The following XPO6 variants were observed in gnomAD, a reference collection of about 807,000 sequenced individuals.
The protein encoded by XPO6 is exportin 6.
XPO6 carries 3 observed loss-of-function variants against 130.0 expected under a neutral mutation model. The ratio of observed to expected loss-of-function variants is 0.02; its 90% CI spans 0.01 to 0.06. XPO6 has a LOEUF of 0.06. XPO6 is among the 10% of genes least tolerant of loss of function. The pLI, the probability that XPO6 is intolerant of heterozygous loss-of-function variation, is 1.00. For missense variants in XPO6, 970 were observed against 1,393.0 expected (o/e 0.70, Z 4.83); for synonymous variants, 524 against 548.9 (o/e 0.95, Z 0.63).
At chr16:28,180,873 C>A in intron 2 of XPO6, 68 bp downstream of exon 2, 1 of 1,324,736 alleles carries the variant, frequency 7.5e-7, no homozygotes, top group Non-Finnish European at 1.1e-6. Context: ...CGGCTACGAA[C>A]AACTCCTTCC....
chr16:28,185,919 G>C (rs1567644199), intron 1 of XPO6, among the ~76,000 whole-genome samples: 1 of 152,128 alleles, frequency 6.6e-6, no homozygotes, highest in Admixed American at 6.6e-5. Context: ...TTCTGTTCCA[G>C]AAACAGTTAA....
At chr16:28,140,158 G>A (rs544817480) in intron 9 of XPO6, among the ~76,000 whole-genome samples, 3 of 148,054 alleles carry the variant, frequency 2.0e-5, no homozygotes, top group African/African-American at 5.0e-5. Flanking sequence ...CTTGAACCTG[G>A]GAGGTGGAGG....
intron 9 of XPO6, among the ~76,000 whole-genome samples, chr16:28,139,919 T>C (rs1006860501): frequency 1.3e-5 from 2 of 152,028 alleles, no homozygotes; most frequent in African/African-American, 4.8e-5. Context: ...CAGTAACTGA[T>C]AGAATAAGTA....
Position 28,166,505 on chromosome 16 carries a change from T to C in XPO6, c.643+3A>G, listed in dbSNP as rs755478400. The C allele has an allele frequency of 6.3e-7, 1 of 1,582,784 alleles. No individual in the cohort carries two copies. The highest frequency in any genetic ancestry group is 8.6e-7 in the Non-Finnish European group (1 of 1,162,802). ...AATGCCTTGGCTGGCAGGCAGACCA[T>C]ACCACTTTCTCCTGAGGTCGGGGAT... On this transcript the variant is annotated splice_donor_region_variant and intron_variant, in intron 6 of 23. Coordinates refer to ENST00000304658, the MANE Select transcript of XPO6 (RefSeq NM_015171.4).
intron 17 of XPO6, among the ~76,000 whole-genome samples, chr16:28,109,826 T>C (rs1596789519): frequency 6.6e-6 from 1 of 152,342 alleles, no homozygotes; most frequent in East Asian, 1.9e-4. Flanking sequence ...TTAAATAACA[T>C]TATTGTACCA....
chr16:28,161,982 G>C (rs2043285529), intron 6 of XPO6, among the ~76,000 whole-genome samples: 1 of 152,176 alleles, frequency 6.6e-6, no homozygotes, highest in African/African-American at 2.4e-5. Flanking sequence ...GGAAAAATAT[G>C]TATGGCCTAA....
intron 1 of XPO6, among the ~76,000 whole-genome samples, chr16:28,194,362 T>A (rs2043827431): frequency 6.6e-6 from 1 of 152,126 alleles, no homozygotes; most frequent in Admixed American, 6.5e-5. Context: ...AAACGAAGAA[T>A]GTAAGAATGA....
chr16:28,109,211 T>C (rs1021826449), intron 17 of XPO6, among the ~76,000 whole-genome samples: 4 of 151,818 alleles, frequency 2.6e-5, no homozygotes, highest in African/African-American at 7.3e-5. Flanking sequence ...GAAAGCACTA[T>C]AAGTATATAA....
At chr16:28,180,463 C>A (rs77178932) in intron 2 of XPO6, among the ~76,000 whole-genome samples, 194 of 152,264 alleles carry the variant, frequency 1.3e-3, no homozygotes, top group Middle Eastern at 3.4e-3. Flanking sequence ...TTTCTGGGCA[C>A]TATTAGGTTC....
intron 15 of XPO6, among the ~76,000 whole-genome samples, 189 bp from the exon 16 acceptor site, chr16:28,113,239 T>A (rs2086973909): frequency 6.6e-6 from 1 of 152,174 alleles, no homozygotes; most frequent in Non-Finnish European, 1.5e-5. Flanking sequence ...TGTCCACAGC[T>A]CCTGCCGCAG....
chr16:28,156,434 C>A lies in XPO6; in HGVS notation c.737G>T (p.Cys246Phe), dbSNP rs767275654. 2 of 1,613,668 alleles carry A rather than the reference C, an allele frequency of 1.2e-6. No individual in the cohort carries two copies. Among genetic ancestry groups the A allele is most frequent in the Non-Finnish European group, 1.7e-6 (2 of 1,179,812 alleles). ...GGCCAGGCACTCCAAAGCCAGGGAA[C>A]AGATATACTCACTCTCCACATCAAG... ...PILDVESEYICSLALECLAHL... is the reference protein window; with the variant it reads ...PILDVESEYIFSLALECLAHL... Residue 246 changes from cysteine to phenylalanine, a missense_variant, in exon 7 of 24, where the codon TGT becomes TTT. By Grantham distance (205) the Cys-to-Phe change is radical (BLOSUM62 -2). Around this residue, in one of 4 missense-constraint regions of XPO6, gnomAD observed 936 missense variants for 1,306.8 expected, o/e 0.72. Transcript: ENST00000304658.
Position 28,181,022 on chromosome 16 carries a change from C to T in XPO6, c.13G>A (p.Glu5Lys), listed in dbSNP as rs1411914442. The T allele has an allele frequency of 1.9e-6, 3 of 1,611,254 alleles. No homozygotes were observed. The African/African-American group carries it at 4.0e-5, about 22-fold the overall frequency. ...CTTTCCAATGCCCTGAGAGAGGCTT[C>T]TTCAGATGCCTAACAAAGGAATTTG... Reference protein sequence around the residue: MASEEASLRALESLM... With the variant: MASEKASLRALESLM... Residue 5 changes from glutamate to lysine, a missense_variant, in exon 2 of 24, where the codon GAA becomes AAA. By Grantham distance (56) the Glu-to-Lys change is moderately conservative. This residue lies in a region of XPO6 where 21 missense variants were observed against 34.8 expected (regional missense o/e 0.60). Transcript: ENST00000304658.
At chr16:28,128,553 CTG>C (rs2042606169) in intron 12 of XPO6, among the ~76,000 whole-genome samples, 1 of 152,218 alleles carries the variant, frequency 6.6e-6, no homozygotes, top group African/African-American at 2.4e-5. Flanking sequence ...AAGGGGAACA[CTG>C]TATTTGTTTT....
chr16:28,185,068 G>C (rs2043672977), intron 1 of XPO6, among the ~76,000 whole-genome samples: 1 of 152,164 alleles, frequency 6.6e-6, no homozygotes, highest in Non-Finnish European at 1.5e-5. Context: ...CTTGATAGAG[G>C]AGAATATTAT....
chr16:28,098,371 G>T lies in XPO6; in HGVS notation c.*167C>A. ...TCAGGTGGACCCAGAAGCCAGCTCT[G>T]CTGGGCAGCGGCAAGATGTGGAGGA... On this transcript the variant is annotated 3_prime_UTR_variant, in exon 24 of 24. Transcript: ENST00000304658. 1 of 611,506 alleles carries T rather than the reference G, an allele frequency of 1.6e-6. No individual in the cohort carries two copies. Among genetic ancestry groups the T allele is most frequent in the Admixed American group, 2.8e-5 (1 of 35,204 alleles). 37.9% of individuals were successfully genotyped at this position (611,506 alleles called of 1,614,324 possible).
rs1227971808 is a variant in XPO6 at position 28,121,012 on chromosome 16, C to G, written c.1859+658G>C. On this transcript the variant is annotated intron_variant, in intron 14 of 23. Transcript: ENST00000304658. The stretch of plus-strand genomic sequence containing the variant: ...GCCAACCCCCTGCTCTCATCTAAAG[C>G]AAGTCTTCTGGGCAGTGAAATCTCT... Among the ~76,000 whole-genome samples, 6 of 152,386 alleles carry G rather than the reference C, an allele frequency of 3.9e-5. No homozygotes were observed. In the South Asian group the frequency reaches 6.2e-4, roughly 16 times the overall value.
At chr16:28,156,623 T>A (rs995904222) in intron 6 of XPO6, 96 bp from the exon 7 acceptor site, 1 of 707,154 alleles carries the variant, frequency 1.4e-6, no homozygotes, top group African/African-American at 1.8e-5. Flanking sequence ...TATATATGTA[T>A]ACATATATGT....
At chr16:28,143,162 C>G (rs1465859406) in intron 9 of XPO6, among the ~76,000 whole-genome samples, 1 of 152,234 alleles carries the variant, frequency 6.6e-6, no homozygotes, top group Non-Finnish European at 1.5e-5. Context: ...TCAGCCAGAA[C>G]AACTGACAAC....
intron 13 of XPO6, among the ~76,000 whole-genome samples, chr16:28,123,214 C>T (rs927118171): frequency 6.6e-6 from 1 of 152,064 alleles, no homozygotes; most frequent in South Asian, 2.1e-4. Flanking sequence ...GTGATCCTCC[C>T]GCCTCAGCGC....
Sources: gnomAD v4.1 joint callset for allele counts (sites outside exome capture counted in the v4.1 genomes callset) on GRCh38, gnomAD v4.1.1 for gene constraint, gnomAD v4.1.1 regional missense constraint, MANE v1.5 for transcripts, NCBI Gene and HGNC (gene_info 2026-07-23, HGNC 2026-07-21) for gene names.